Variants in NEXN observed in about 807,000 individuals in gnomAD.
The protein encoded by NEXN is nexilin F-actin binding protein.
NEXN carries 65 observed loss-of-function variants against 92.6 expected under a neutral mutation model. The observed-to-expected ratio is 0.70, with a 90% CI of 0.57 to 0.86. NEXN has a LOEUF of 0.86. Ranked by LOEUF, NEXN falls within the 40% of genes least tolerant of loss-of-function variation. The pLI is 0.00. For missense variants in NEXN, 778 were observed against 771.1 expected, an observed-to-expected ratio of 1.01 and a Z score of -0.11; for synonymous variants, 254 against 242.5, an observed-to-expected ratio of 1.05 and a Z score of -0.44.
chr1:77,892,173 T>G (rs190760159), intron 1 of NEXN, among the ~76,000 whole-genome samples: 1 of 152,262 alleles, frequency 6.6e-6, no homozygotes, highest in African/African-American at 2.4e-5. Context: ...TCTTAAAAAT[T>G]GGAAAATCTG....
intron 1 of NEXN, among the ~76,000 whole-genome samples, chr1:77,904,967 T>C (rs1269316633): frequency 6.6e-6 from 1 of 152,140 alleles, no homozygotes; most frequent in Non-Finnish European, 1.5e-5. Flanking sequence ...AGTAGATGCT[T>C]AATAAATACT....
rs141957231 is a variant in NEXN at position 77,926,630 on chromosome 1, GT to G, written c.687+23del. On this transcript the variant is annotated intron_variant, in intron 7 of 12. Coordinates refer to ENST00000334785, the MANE Select transcript of NEXN (RefSeq NM_144573.4). ...AGTTATGGTAAATTTTTGTTTGTTT[GT>G]TTTCTAAGAAACAAATCAAGGCAGT... 1.1e-3 allele frequency: 1,723 copies of G among 1,613,766 alleles called. 14 individuals are homozygous for G. In the African/African-American group the frequency reaches 0.02, roughly 19 times the overall value.
In NEXN at chr1:77,925,190, T is replaced by A. The variant is rs1064797051; in HGVS notation, c.450T>A (p.Ile150=). Residue 150 remains isoleucine (I), a splice_region_variant and synonymous_variant, in exon 6 of 13, where the codon ATT becomes ATA. Coordinates refer to ENST00000334785, the MANE Select transcript of NEXN (RefSeq NM_144573.4). The part of the protein sequence containing the change: ...QRELAKRAEQ[I]EDINNTGTES... Reference sequence around the variant, plus strand: ...GATATGAAATTCTCATTCAATAGATTGAGGACATAAACAATACGGGAACTG... The same window carrying A: ...GATATGAAATTCTCATTCAATAGATAGAGGACATAAACAATACGGGAACTG... 1.3e-6 allele frequency: 2 copies of A among 1,593,932 alleles called. No homozygotes were observed. Among genetic ancestry groups the A allele is most frequent in the Non-Finnish European group, 1.7e-6 (2 of 1,163,952 alleles).
At position 77,943,714 on chromosome 1, in the gene NEXN, A is replaced by T. The variant is rs1468042936; in HGVS notation, c.*885A>T. The T allele has an allele frequency of 2.0e-5, 3 of 152,100 alleles. No individual in the cohort carries two copies. The highest frequency in any genetic ancestry group is 6.5e-5 in the Admixed American group (1 of 15,274). 9.4% of individuals were successfully genotyped at this position (152,100 alleles called of 1,614,324 possible). A position where few individuals can be genotyped will look rare whatever the true frequency, so the allele number is the denominator to read the frequency against. The stretch of plus-strand genomic sequence containing the variant: ...TTTCAACATAGTCGAAGGCTTCAAG[A>T]TCTAAGTGTATCAGACTTAGGGAAA... On this transcript the variant is annotated 3_prime_UTR_variant, in exon 13 of 13. Coordinates refer to ENST00000334785, the MANE Select transcript of NEXN (RefSeq NM_144573.4).
intron 11 of NEXN, among the ~76,000 whole-genome samples, chr1:77,937,044 T>A (rs1650820767): frequency 6.6e-6 from 1 of 152,202 alleles, no homozygotes; most frequent in African/African-American, 2.4e-5. Context: ...GCACAGTGGC[T>A]CACACCTGTA....
chr1:77,911,313 C>T (rs763523484), intron 1 of NEXN, among the ~76,000 whole-genome samples: 14 of 152,150 alleles, frequency 9.2e-5, no homozygotes, highest in African/African-American at 2.7e-4. Flanking sequence ...TTGCTTTGGC[C>T]GGGCAAAATG....
intron 1 of NEXN, among the ~76,000 whole-genome samples, chr1:77,913,502 T>C (rs1028665666): frequency 6.6e-6 from 1 of 151,846 alleles, no homozygotes; most frequent in East Asian, 1.9e-4. Flanking sequence ...GAAAAGGTGC[T>C]TTAATATATT....
Position 77,926,824 on chromosome 1 carries a change from G to C in NEXN, c.796G>C (p.Ala266Pro), listed in dbSNP as rs1432737859. Residue 266 changes from alanine to proline, a missense_variant, in exon 8 of 13, where the codon GCT (alanine) becomes CCT (proline). Ala to Pro is a conservative substitution (Grantham distance 27). Coordinates refer to ENST00000334785, the MANE Select transcript of NEXN (RefSeq NM_144573.4). ...RQRQENRKKQ[A>P]EEEARKRLEE... The stretch of plus-strand genomic sequence containing the variant: ...AAGACAAGAAAACCGAAAGAAGCAA[G>C]CTGAAGAGGAAGCAAGAAAACGTTT... 6.2e-7 allele frequency: 1 copy of C among 1,614,022 alleles called. No individual in the cohort carries two copies.
chr1:77,928,528 TTAAA>T (rs1216490546), intron 8 of NEXN, among the ~76,000 whole-genome samples: 9 of 152,078 alleles, frequency 5.9e-5, no homozygotes, highest in African/African-American at 1.7e-4. Flanking sequence ...AATAGTATTG[TTAAA>T]TAAATAATAC....
intron 8 of NEXN, among the ~76,000 whole-genome samples, chr1:77,928,405 T>A (rs1326297907): frequency 6.6e-6 from 1 of 151,932 alleles, no homozygotes; most frequent in Non-Finnish European, 1.5e-5. Context: ...TTCTAAGAAT[T>A]ATATATATAA....
intron 1 of NEXN, among the ~76,000 whole-genome samples, chr1:77,914,748 T>C (rs1648832094): frequency 6.6e-6 from 1 of 150,866 alleles, no homozygotes; most frequent in African/African-American, 2.4e-5. Flanking sequence ...TCCCAGCTAC[T>C]CAGGAGGCTG....
chr1:77,903,831 G>A (rs773794777), intron 1 of NEXN, among the ~76,000 whole-genome samples: 8 of 152,020 alleles, frequency 5.3e-5, no homozygotes, highest in Non-Finnish European at 7.4e-5. Context: ...AGGCTGAGGT[G>A]GGAGGATTGC....
intron 8 of NEXN, 68 bp downstream of exon 8, chr1:77,926,960 T>C (rs1649900883): frequency 6.3e-7 from 1 of 1,576,558 alleles, no homozygotes; most frequent in East Asian, 2.2e-5. Context: ...TAAGGTTTAC[T>C]ACTACAAATT....
At chr1:77,937,260 C>T (rs1650845915) in intron 11 of NEXN, among the ~76,000 whole-genome samples, 1 of 152,060 alleles carries the variant, frequency 6.6e-6, no homozygotes, top group Non-Finnish European at 1.5e-5. Flanking sequence ...ACTGTGATTG[C>T]ACCACTGCAC....
At chr1:77,926,949 A>T in intron 8 of NEXN, 57 bp downstream of exon 8, 1 of 1,603,998 alleles carries the variant, frequency 6.2e-7, no homozygotes. Flanking sequence ...CCGACTTAAG[A>T]TAAGGTTTAC....
chr1:77,900,442 A>G (rs1411892371), intron 1 of NEXN, among the ~76,000 whole-genome samples: 1 of 152,132 alleles, frequency 6.6e-6, no homozygotes, highest in Non-Finnish European at 1.5e-5. Flanking sequence ...CACCAAAGCT[A>G]TTTGATTCAC....
chr1:77,940,774 G>T (rs2102172803), intron 11 of NEXN, among the ~76,000 whole-genome samples: 1 of 152,262 alleles, frequency 6.6e-6, no homozygotes, highest in Middle Eastern at 3.4e-3. Context: ...GGTTTAACAT[G>T]TATTTTTCTT....
chr1:77,901,863 G>A (rs1216878996), intron 1 of NEXN, among the ~76,000 whole-genome samples: 3 of 152,028 alleles, frequency 2.0e-5, no homozygotes, highest in African/African-American at 4.8e-5. Flanking sequence ...CTCAGTCCTC[G>A]CTAACTAAGC....
chr1:77,901,627 G>A (rs1206185212), intron 1 of NEXN, among the ~76,000 whole-genome samples: 1 of 152,068 alleles, frequency 6.6e-6, no homozygotes, highest in East Asian at 1.9e-4. Flanking sequence ...TTGTGTTGTG[G>A]CTGCCCCTTT....
Sources: gnomAD v4.1 joint callset for allele counts (sites outside exome capture counted in the v4.1 genomes callset) on GRCh38, gnomAD v4.1.1 for gene constraint, MANE v1.5 for transcripts, NCBI Gene and HGNC (gene_info 2026-07-23, HGNC 2026-07-21) for gene names.